The following TMF1 variants were observed in gnomAD, a reference collection of about 807,000 sequenced individuals.
The protein encoded by TMF1 is TATA element modulatory factor 1.
In TMF1, 71 loss-of-function variants were observed where a neutral mutation model predicts 126.5. The observed-to-expected ratio is 0.56, with a 90% CI of 0.46 to 0.68. The LOEUF (loss-of-function observed/expected upper bound fraction) is 0.68. TMF1 is among the 30% of genes least tolerant of loss of function. The probability of loss-of-function intolerance (pLI) is 0.00; values close to 1 mark genes in which losing one functional copy is unlikely to be tolerated. For missense variants in TMF1, 1,259 were observed against 1,253.2 expected (o/e 1.00, Z -0.07); for synonymous variants, 461 against 430.5 (o/e 1.07, Z -0.88).
intron 5 of TMF1, among the ~76,000 whole-genome samples, chr3:69,040,040 A>G (rs1429272357): frequency 6.6e-6 from 1 of 152,236 alleles, no homozygotes; most frequent in Non-Finnish European, 1.5e-5. Context: ...GATGTGATAT[A>G]GTTGTTCAAT....
At position 69,038,570 on chromosome 3, in the gene TMF1, G is replaced by A; in HGVS notation, c.2145C>T (p.Ala715=). The A allele has an allele frequency of 6.2e-7, 1 of 1,612,894 alleles. No homozygotes were observed. The highest frequency in any genetic ancestry group is 8.5e-7 in the Non-Finnish European group (1 of 1,179,694). The change falls in exon 8 of 17, where the codon GCC becomes GCT. Residue 715 remains alanine, a synonymous_variant. Coordinates refer to ENST00000398559, the MANE Select transcript of TMF1 (RefSeq NM_007114.3). ...TTCATCATCCATTGCTTACTTGAAT[G>A]GCTAATGTTTCTTGCTGCTGACGGG... ...EEARQQQETL[A]IQVGDLRLAL...
rs184522265 is a variant in TMF1, at chr3:69,027,320, T to C, written c.2757+580A>G. 1.2e-4 allele frequency among the ~76,000 whole-genome samples: 19 copies of C among 152,180 alleles called. No homozygotes were observed. The East Asian group carries it at 3.3e-3, about 26-fold the overall frequency. On this transcript the variant is annotated intron_variant, in intron 13 of 16. Transcript: ENST00000398559. ...CTCAGAAAACTCATTTCAGAAAAATTACCCTCATTAACCAGAAAGAAAACA... is the reference window on the plus strand; with the variant it reads ...CTCAGAAAACTCATTTCAGAAAAATCACCCTCATTAACCAGAAAGAAAACA...
Position 69,029,847 on chromosome 3 carries a change from A to AT in TMF1, c.2561dup (p.Asn854LysfsTer2). 6.2e-7 allele frequency: 1 copy of AT among 1,613,474 alleles called. No individual in the cohort carries two copies. Among genetic ancestry groups the AT allele is most frequent in the Non-Finnish European group, 8.5e-7 (1 of 1,179,694 alleles). ...TCTCATCCTCCAGTTTACACAGCCT[A>AT]TTTTTCTCTGATTCTAGCTGGGCTT... On this transcript the variant is annotated frameshift_variant, in exon 11 of 17. Coordinates refer to ENST00000398559, the MANE Select transcript of TMF1 (RefSeq NM_007114.3). LOFTEE classifies it high-confidence loss of function.
rs1333494017 is a variant in TMF1 at position 69,048,117 on chromosome 3, T to C, written c.588A>G (p.Val196=). The change falls in exon 2 of 17, where the codon GTA becomes GTG. Residue 196 remains valine, a synonymous_variant. Coordinates refer to ENST00000398559, the MANE Select transcript of TMF1 (RefSeq NM_007114.3). ...TTTTCACATCAATTACACTTTCAGA[T>C]ACTTTCAAACTTACAGTTGGCACCT... ...DMKVPTVSLK[V]SESVIDVKTT... is the part of the protein sequence containing the mutation. 6.2e-7 allele frequency: 1 copy of C among 1,614,230 alleles called. No individual in the cohort carries two copies.
At chr3:69,034,444 G>A (rs925147003) in intron 9 of TMF1, among the ~76,000 whole-genome samples, 3 of 152,262 alleles carry the variant, frequency 2.0e-5, no homozygotes, top group African/African-American at 7.2e-5. Flanking sequence ...CTGCACTCCT[G>A]CCTGGGCAAC....
At chr3:69,047,245 G>GT in intron 2 of TMF1, 113 bp downstream of exon 2, 1 of 1,266,700 alleles carries the variant, frequency 7.9e-7, no homozygotes, top group Non-Finnish European at 1.1e-6. Flanking sequence ...GGCAAAATGC[G>GT]TATGTTTTTA....
chr3:69,033,782 G>C, intron 9 of TMF1, 78 bp from the exon 10 acceptor site: 1 of 1,262,706 alleles, frequency 7.9e-7, no homozygotes. Flanking sequence ...TGAACTTTGA[G>C]AGGTTCCTGG....
chr3:69,047,540 C>T lies in TMF1; in HGVS notation c.1165G>A (p.Glu389Lys). Residue 389 changes from glutamate to lysine, a missense_variant, in exon 2 of 17, where the codon GAG (glutamate) becomes AAG (lysine). Glu to Lys is a moderately conservative substitution (Grantham distance 56). Transcript: ENST00000398559. The part of the protein sequence containing the change: ...EVNETLVIPT[E>K]EAEMEESGRS... ...CCACTTTCTTCCATTTCTGCTTCCT[C>T]AGTGGGTATAACTAATGTTTCATTT... The T allele has an allele frequency of 6.2e-7, 1 of 1,614,152 alleles. No homozygotes were observed. Among genetic ancestry groups the T allele is most frequent in the Non-Finnish European group, 8.5e-7 (1 of 1,180,020 alleles).
In TMF1 at chr3:69,048,039, T is replaced by C; in HGVS notation, c.666A>G (p.Thr222=). The C allele has an allele frequency of 6.2e-7, 1 of 1,614,088 alleles. No individual in the cohort carries two copies. Among genetic ancestry groups the C allele is most frequent in the Non-Finnish European group, 8.5e-7 (1 of 1,180,024 alleles). The change falls in exon 2 of 17, where the codon ACA becomes ACG. Residue 222 remains threonine, a synonymous_variant. Coordinates refer to ENST00000398559, the MANE Select transcript of TMF1 (RefSeq NM_007114.3). ...NTSTQSLTAE[T]KDIALEPKEQ... Reference sequence around the variant, plus strand: ...CCTTAGGTTCCAAAGCTATGTCCTTTGTTTCTGCTGTGAGAGACTGCGTAG... The same window carrying C: ...CCTTAGGTTCCAAAGCTATGTCCTTCGTTTCTGCTGTGAGAGACTGCGTAG...
chr3:69,046,489 T>G (rs530132169), intron 2 of TMF1, among the ~76,000 whole-genome samples: 1 of 152,196 alleles, frequency 6.6e-6, no homozygotes, highest in African/African-American at 2.4e-5. Flanking sequence ...TTGTGAATAT[T>G]TAACCTGATT....
chr3:69,038,496 ATTGT>A, intron 8 of TMF1, 64 bp downstream of exon 8: 1 of 1,515,532 alleles, frequency 6.6e-7, no homozygotes, highest in Non-Finnish European at 9.0e-7. Flanking sequence ...AAACCAGCTA[ATTGT>A]TTAATTTGTA....
At chr3:69,035,157 T>C (rs774434901) in intron 8 of TMF1, 42 bp from the exon 9 acceptor site, 5 of 1,505,602 alleles carry the variant, frequency 3.3e-6, no homozygotes, top group Non-Finnish European at 4.6e-6. Flanking sequence ...AATGGTACAG[T>C]ATTATCTATA....
chr3:69,037,468 C>A (rs940196939), intron 8 of TMF1, among the ~76,000 whole-genome samples: 1 of 151,650 alleles, frequency 6.6e-6, no homozygotes, highest in Admixed American at 6.6e-5. Flanking sequence ...GGTGAAGCCT[C>A]GTCTCTACTA....
At chr3:69,032,568 G>A (rs576797382) in intron 10 of TMF1, among the ~76,000 whole-genome samples, 2 of 151,602 alleles carry the variant, frequency 1.3e-5, no homozygotes, top group African/African-American at 2.4e-5. Context: ...TAACATCACA[G>A]AAGGGCAACC....
At position 69,038,554 on chromosome 3, in the gene TMF1, C is replaced by T; in HGVS notation, c.2151+10G>A. 1 of 1,609,480 alleles carries T rather than the reference C, an allele frequency of 6.2e-7. No homozygotes were observed. Among genetic ancestry groups the T allele is most frequent in the Non-Finnish European group, 8.5e-7 (1 of 1,178,406 alleles). ...TTTAAAACTACTCTAATTCATCATC[C>T]ATTGCTTACTTGAATGGCTAATGTT... On this transcript the variant is annotated intron_variant, in intron 8 of 16. Transcript: ENST00000398559.
chr3:69,052,146 G>A lies in TMF1; in HGVS notation c.-60C>T. On this transcript the variant is annotated 5_prime_UTR_variant, in exon 1 of 17. Coordinates refer to ENST00000398559, the MANE Select transcript of TMF1 (RefSeq NM_007114.3). ...CCAAGCGGGAAGGCCTCAGGCCTGG[G>A]GAAGGGTGCAGAGGAACGGCTTCGC... 1 of 1,557,962 alleles carries A rather than the reference G, an allele frequency of 6.4e-7. No individual in the cohort carries two copies. The highest frequency in any genetic ancestry group is 8.6e-7 in the Non-Finnish European group (1 of 1,156,468).
chr3:69,026,919 C>A (rs183290665), intron 13 of TMF1, among the ~76,000 whole-genome samples: 9 of 152,098 alleles, frequency 5.9e-5, no homozygotes, highest in African/African-American at 2.2e-4. Flanking sequence ...ATTTACCTAT[C>A]GGTAGTTTAA....
chr3:69,029,718 G>A (rs964256512), intron 11 of TMF1, 97 bp downstream of exon 11: 1 of 1,198,748 alleles, frequency 8.3e-7, no homozygotes, highest in African/African-American at 1.5e-5. Context: ...TGGGATTACA[G>A]GCGTGAGCCA....
At chr3:69,025,764 TC>T in intron 14 of TMF1, 52 bp from the exon 15 acceptor site, 1 of 1,562,506 alleles carries the variant, frequency 6.4e-7, no homozygotes, top group Non-Finnish European at 8.7e-7. Flanking sequence ...TAGCTTGTCT[TC>T]CATTACCAGG....
Sources: allele counts gnomAD v4.1 joint callset (sites outside exome capture counted in the v4.1 genomes callset), GRCh38; gene constraint gnomAD v4.1.1; transcripts MANE v1.5; gene names NCBI Gene and HGNC (gene_info 2026-07-23, HGNC 2026-07-21).